ZFR: variants seen among roughly 807,000 people sequenced by gnomAD.
ZFR encodes zinc finger RNA-binding protein.
A neutral mutation model predicts 130.7 loss-of-function variants in ZFR; 19 were observed. The ratio of observed to expected loss-of-function variants is 0.15; its 90% confidence interval spans 0.10 to 0.21. The LOEUF (loss-of-function observed/expected upper bound fraction) is 0.21. Among genes scored for constraint, ZFR ranks in the 10% least tolerant of loss-of-function variants. The pLI is 1.00. For missense variants in ZFR, 872 were observed against 1,321.5 expected (o/e 0.66, Z 5.27); for synonymous variants, 466 against 456.9 (o/e 1.02, Z -0.25).
Position 32,444,321 on chromosome 5 carries a change from G to A in ZFR, c.45C>T (p.Ser15=), listed in dbSNP as rs1446578241. The A allele has an allele frequency of 1.3e-6, 2 of 1,539,124 alleles. No individual in the cohort carries two copies. The highest frequency in any genetic ancestry group is 1.8e-6 in the Non-Finnish European group (2 of 1,141,678). The change falls in exon 2 of 20, where the codon AGC becomes AGT. Residue 15 remains serine, a synonymous_variant. Transcript: ENST00000265069. ...CPVVSFTYVP[S]RLGEDAKMAT... is the part of the protein sequence containing the mutation. ...CCATTTTGGCATCTTCCCCCAGCCG[G>A]CTGGGCACTGCGGCGGGCACGAAGA...
At chr5:32,388,432 C>A (rs754328956) in intron 13 of ZFR, 37 bp downstream of exon 13, 2 of 1,599,916 alleles carry the variant, frequency 1.3e-6, no homozygotes, top group Non-Finnish European at 1.7e-6. Context: ...ATAAGAAAAA[C>A]CAAAATTACA....
At position 32,406,484 on chromosome 5, in the gene ZFR, G is replaced by T. The variant is rs1301116660; in HGVS notation, c.1032+290C>A. On this transcript the variant is annotated intron_variant, in intron 6 of 19. Transcript: ENST00000265069. ...ATAAAAATTCAATCTTACCCAAGTC[G>T]CAATTAATTTGACTACAAAATTTTA... 2.6e-5 allele frequency among the ~76,000 whole-genome samples: 4 copies of T among 152,146 alleles called. 1 individual carries two copies. Among genetic ancestry groups the T allele is most frequent in the Admixed American group, 2.6e-4 (4 of 15,282 alleles).
At chr5:32,431,557 T>A (rs1226181085) in intron 2 of ZFR, among the ~76,000 whole-genome samples, 2 of 152,200 alleles carry the variant, frequency 1.3e-5, no homozygotes, top group Non-Finnish European at 2.9e-5. Flanking sequence ...ACATACTGTG[T>A]GTGTGCATGT....
chr5:32,440,466 G>A (rs1169215644), intron 2 of ZFR, among the ~76,000 whole-genome samples: 1 of 152,066 alleles, frequency 6.6e-6, no homozygotes, highest in Non-Finnish European at 1.5e-5. Flanking sequence ...TGGCCAACAT[G>A]GTGAAACTCG....
chr5:32,376,521 C>T (rs1024697943), intron 17 of ZFR, among the ~76,000 whole-genome samples: 1 of 151,568 alleles, frequency 6.6e-6, no homozygotes, highest in African/African-American at 2.4e-5. Flanking sequence ...TGGCGCATGC[C>T]TGTAGTGTGT....
intron 12 of ZFR, among the ~76,000 whole-genome samples, chr5:32,390,017 G>A (rs1371159803): frequency 1.3e-5 from 2 of 152,138 alleles, no homozygotes; most frequent in African/African-American, 2.4e-5. Context: ...CAAGTGTGTT[G>A]GTGAGCACCT....
At chr5:32,420,454 G>A (rs1753927230) in intron 2 of ZFR, among the ~76,000 whole-genome samples, 1 of 152,154 alleles carries the variant, frequency 6.6e-6, no homozygotes, top group Non-Finnish European at 1.5e-5. Context: ...GAACTTTAGT[G>A]TTAGTTACAT....
chr5:32,401,225 C>G (rs1753441937), intron 8 of ZFR, among the ~76,000 whole-genome samples: 1 of 152,206 alleles, frequency 6.6e-6, no homozygotes, highest in South Asian at 2.1e-4. Flanking sequence ...CTACAACAAT[C>G]TGGATACGGC....
At chr5:32,416,353 G>A (rs1211900607) in intron 4 of ZFR, among the ~76,000 whole-genome samples, 7 of 152,078 alleles carry the variant, frequency 4.6e-5, no homozygotes, top group Admixed American at 1.3e-4. Context: ...GGTGGCTCAC[G>A]CCTGTAATCC....
chr5:32,440,508 G>A (rs1275124167), intron 2 of ZFR, among the ~76,000 whole-genome samples: 2 of 152,024 alleles, frequency 1.3e-5, no homozygotes, highest in Admixed American at 1.3e-4. Flanking sequence ...CTAGCCAGGC[G>A]TGGTGGCACA....
At chr5:32,408,736 TATCTC>T (rs1404852236) in intron 5 of ZFR, among the ~76,000 whole-genome samples, 1 of 152,224 alleles carries the variant, frequency 6.6e-6, no homozygotes, top group African/African-American at 2.4e-5. Context: ...TTTAAGCAAT[TATCTC>T]AACTGTTTTC....
At chr5:32,378,923 A>C (rs542106958) in intron 17 of ZFR, among the ~76,000 whole-genome samples, 192 bp downstream of exon 17, 1 of 152,254 alleles carries the variant, frequency 6.6e-6, no homozygotes, top group East Asian at 1.9e-4. Context: ...AGAAACATCA[A>C]TGAAAATTCT....
rs139705701 is a variant in ZFR at position 32,440,154 on chromosome 5, A to C, written c.137+4075T>G. ...TAGATTTATGTAAGTGCATTTCCTCAAACAAAAAAGGTACTCTACTCTTAA... is the reference window on the plus strand; with the variant it reads ...TAGATTTATGTAAGTGCATTTCCTCCAACAAAAAAGGTACTCTACTCTTAA... On this transcript the variant is annotated intron_variant, in intron 2 of 19. Transcript: ENST00000265069. Among the ~76,000 whole-genome samples, 143 of 152,254 alleles carry C rather than the reference A, an allele frequency of 9.4e-4. 3 individuals carry two copies. The East Asian group carries it at 0.017, about 18-fold the overall frequency.
chr5:32,399,338 C>G lies in ZFR; in HGVS notation c.1713+669G>C, dbSNP rs75743180. Among the ~76,000 whole-genome samples the G allele has an allele frequency of 7.9e-3, 1,207 of 152,172 alleles. 10 individuals are homozygous for G. Among genetic ancestry groups the G allele is most frequent in the Middle Eastern group, 0.02 (6 of 294 alleles). On this transcript the variant is annotated intron_variant, in intron 9 of 19. Transcript: ENST00000265069. ...ACTCTCCTAGATGCTAGACACCATG[C>G]TAGGTACTTTATTTCATCTACTCTT...
At chr5:32,416,435 A>C in intron 4 of ZFR, among the ~76,000 whole-genome samples, 1 of 152,098 alleles carries the variant, frequency 6.6e-6, no homozygotes, top group Admixed American at 6.5e-5. Flanking sequence ...ACCAACATGG[A>C]GAAACCCTGT....
At chr5:32,368,501 G>A (rs1752596134) in intron 17 of ZFR, among the ~76,000 whole-genome samples, 1 of 152,196 alleles carries the variant, frequency 6.6e-6, no homozygotes, top group African/African-American at 2.4e-5. Context: ...CTCCCAAAGT[G>A]CTAAGATTAC....
chr5:32,390,502 T>C (rs974395223), intron 11 of ZFR, 65 bp from the exon 12 acceptor site: 16 of 1,459,332 alleles, frequency 1.1e-5, no homozygotes, highest in African/African-American at 2.8e-5. Flanking sequence ...CTTGCATCAA[T>C]AGTGACATAA....
intron 9 of ZFR, among the ~76,000 whole-genome samples, chr5:32,397,913 A>C (rs1194412553): frequency 8.7e-6 from 1 of 114,806 alleles, no homozygotes; most frequent in Non-Finnish European, 1.6e-5. Context: ...GCTGGAGTGC[A>C]GTGGTGCGAT....
chr5:32,417,933 T>A, intron 3 of ZFR, 141 bp from the exon 4 acceptor site: 1 of 778,328 alleles, frequency 1.3e-6, no homozygotes, highest in Non-Finnish European at 2.1e-6. Flanking sequence ...AGAATCAAAT[T>A]AAATACACAG....
Sources: allele counts gnomAD v4.1 joint callset (sites outside exome capture counted in the v4.1 genomes callset), GRCh38; gene constraint gnomAD v4.1.1; transcripts MANE v1.5; gene names NCBI Gene and HGNC (gene_info 2026-07-23, HGNC 2026-07-21).